Variants in NTN1 observed in about 807,000 individuals in gnomAD.
NTN1 encodes netrin-1.
A neutral mutation model predicts 54.2 loss-of-function variants in NTN1; 11 were observed. The ratio of observed to expected loss-of-function variants is 0.20; its 90% CI spans 0.13 to 0.34. The LOEUF (loss-of-function observed/expected upper bound fraction) is 0.34, where lower values mean the gene tolerates loss of function less well. NTN1 is among the 10% of genes least tolerant of loss of function. The probability of loss-of-function intolerance (pLI) is 1.00; values close to 1 mark genes in which losing one functional copy is unlikely to be tolerated. For missense variants in NTN1, 740 were observed against 893.1 expected, an observed-to-expected ratio of 0.83 and a Z score of 2.18; for synonymous variants, 371 against 382.0, an observed-to-expected ratio of 0.97 and a Z score of 0.33.
chr17:9,103,840 C>G lies in NTN1; in HGVS notation c.1019-58973C>G, dbSNP rs370575211. Among the ~76,000 whole-genome samples the G allele has an allele frequency of 2.2e-3, 339 of 152,090 alleles. 2 individuals are homozygous for G. Among genetic ancestry groups the G allele is most frequent in the African/African-American group, 7.9e-3 (326 of 41,490 alleles). ...GTGGCTCAAGCCTGTAATCCCAGCA[C>G]TTTGGGAGGTCGAGGTGGGTGGATC... On this transcript the variant is annotated intron_variant, in intron 2 of 6. Transcript: ENST00000173229.
rs1349391450 is a variant in NTN1, at chr17:9,219,780, C to T, written c.1412-1388C>T. 6.6e-6 allele frequency among the ~76,000 whole-genome samples: 1 copy of T among 152,242 alleles called. No homozygotes were observed. Among genetic ancestry groups the T allele is most frequent in the South Asian group, 2.1e-4 (1 of 4,834 alleles). ...CTCCCCTACCTTGACCTTTGTTTTC[C>T]CCTCTGCGGGATAGGACGCTGCCAC... is the stretch of plus-strand genomic sequence containing the variant. On this transcript the variant is annotated intron_variant, in intron 5 of 6. Transcript: ENST00000173229. This position sits in a 1 kb window ranked among gnomAD's most constrained non-coding sequence, Gnocchi z 4.5.
Position 9,116,724 on chromosome 17 carries a change from G to C in NTN1, c.1019-46089G>C, listed in dbSNP as rs184187131. Among the ~76,000 whole-genome samples, 179 of 152,282 alleles carry C rather than the reference G, an allele frequency of 1.2e-3. 1 individual carries two copies. The highest frequency in any genetic ancestry group is 4.0e-3 in the African/African-American group (167 of 41,546). ...TCTCAGTACAGAGCGCGTTTGTGTTGCTTGGGGACTGACTGTCCTTTCACA... is the reference window on the plus strand; with the variant it reads ...TCTCAGTACAGAGCGCGTTTGTGTTCCTTGGGGACTGACTGTCCTTTCACA... On this transcript the variant is annotated intron_variant, in intron 2 of 6. Coordinates refer to ENST00000173229, the MANE Select transcript of NTN1 (RefSeq NM_004822.3).
chr17:9,118,169 GTTT>G (rs1203657845), intron 2 of NTN1, among the ~76,000 whole-genome samples: 4 of 152,224 alleles, frequency 2.6e-5, no homozygotes, highest in Non-Finnish European at 5.9e-5. Context: ...AAGTGTGTGT[GTTT>G]TTAACAGCTT....
chr17:9,056,333 T>A (rs1052156604), intron 2 of NTN1, among the ~76,000 whole-genome samples: 3 of 152,186 alleles, frequency 2.0e-5, no homozygotes, highest in Non-Finnish European at 2.9e-5. Context: ...TTGGGATTAC[T>A]GGTGTGAGCC....
intron 5 of NTN1, among the ~76,000 whole-genome samples, chr17:9,217,949 T>G (rs1905250177): frequency 6.6e-6 from 1 of 151,734 alleles, no homozygotes. Context: ...GTTCTCCCTG[T>G]GAGCACTCTC....
intron 2 of NTN1, 127 bp downstream of exon 2, chr17:9,023,518 C>T: frequency 8.5e-7 from 1 of 1,169,890 alleles, no homozygotes; most frequent in South Asian, 2.5e-5. Flanking sequence ...CGCCGATGCC[C>T]GGGACCCGGG....
At chr17:9,207,639 T>A (rs546819721) in intron 5 of NTN1, among the ~76,000 whole-genome samples, 1 of 152,248 alleles carries the variant, frequency 6.6e-6, no homozygotes, top group South Asian at 2.1e-4. Context: ...CCTTTCCACT[T>A]CCCAGCATCC....
intron 2 of NTN1, among the ~76,000 whole-genome samples, chr17:9,037,579 A>G (rs1167895839): frequency 6.6e-6 from 1 of 152,164 alleles, no homozygotes; most frequent in East Asian, 1.9e-4. Flanking sequence ...ATATCAAATG[A>G]GGAGTATGTA....
chr17:9,224,851 C>T (rs1905481759), intron 6 of NTN1, among the ~76,000 whole-genome samples: 1 of 152,116 alleles, frequency 6.6e-6, no homozygotes, highest in Admixed American at 6.5e-5. Flanking sequence ...GGGGCTGGGG[C>T]TCTGGCACCA....
chr17:9,216,192 A>T (rs1597542877), intron 5 of NTN1, among the ~76,000 whole-genome samples: 1 of 152,230 alleles, frequency 6.6e-6, no homozygotes, highest in African/African-American at 2.4e-5. Context: ...TCCTAGCCTC[A>T]AGCGATCTTC....
At chr17:9,031,757 C>T (rs2091888913) in intron 2 of NTN1, among the ~76,000 whole-genome samples, 1 of 151,932 alleles carries the variant, frequency 6.6e-6, no homozygotes, top group South Asian at 2.1e-4. Flanking sequence ...CCAGCCTGGC[C>T]AACATGGTGA....
intron 2 of NTN1, among the ~76,000 whole-genome samples, chr17:9,114,574 GAAA>G (rs1450670280): frequency 6.6e-6 from 1 of 151,974 alleles, no homozygotes; most frequent in Non-Finnish European, 1.5e-5. Flanking sequence ...CCAACATAGT[GAAA>G]CCCTGTCTCT....
At chr17:9,217,034 T>C (rs1214852280) in intron 5 of NTN1, among the ~76,000 whole-genome samples, 1 of 149,146 alleles carries the variant, frequency 6.7e-6, no homozygotes, top group Non-Finnish European at 1.5e-5. Flanking sequence ...AGACAGGGCA[T>C]GACTCCGTCT....
At chr17:9,101,796 C>A (rs1048040892) in intron 2 of NTN1, among the ~76,000 whole-genome samples, 3 of 151,970 alleles carry the variant, frequency 2.0e-5, no homozygotes, top group African/African-American at 7.3e-5. Flanking sequence ...AGTTTGAGAG[C>A]AGCCTGAGTG....
chr17:9,102,888 T>C (rs1323799191), intron 2 of NTN1, among the ~76,000 whole-genome samples: 1 of 152,236 alleles, frequency 6.6e-6, no homozygotes, highest in African/African-American at 2.4e-5. Flanking sequence ...TACGATTCCA[T>C]TTATGTCAAG....
chr17:9,208,318 C>T (rs755650580), intron 5 of NTN1, among the ~76,000 whole-genome samples: 3 of 152,134 alleles, frequency 2.0e-5, no homozygotes, highest in African/African-American at 7.2e-5. Context: ...TGCTGGCTGA[C>T]GTCTTTTGTT....
chr17:9,187,454 A>G (rs2092436625), intron 5 of NTN1, among the ~76,000 whole-genome samples: 1 of 152,172 alleles, frequency 6.6e-6, no homozygotes, highest in Admixed American at 6.5e-5. Flanking sequence ...TCACCTGTCT[A>G]TCATCGGATG....
intron 2 of NTN1, among the ~76,000 whole-genome samples, chr17:9,098,599 A>T (rs534208771): frequency 5.9e-5 from 9 of 152,340 alleles, no homozygotes; most frequent in African/African-American, 2.2e-4. Flanking sequence ...AGCTGTTTTC[A>T]TATGATCTGG....
rs556362994 is a variant in NTN1 at position 9,088,841 on chromosome 17, C to T, written c.1018+65450C>T. On this transcript the variant is annotated intron_variant, in intron 2 of 6. Transcript: ENST00000173229. ...TCAAGAGTCTGAACGATTCCAAATA[C>T]GGAGAAACAACCTCTCTCCGGGTTC... Among the ~76,000 whole-genome samples, 293 of 152,254 alleles carry T rather than the reference C, an allele frequency of 1.9e-3. 1 individual carries two copies. The highest frequency in any genetic ancestry group is 5.0e-3 in the African/African-American group (206 of 41,542).
Sources: allele counts gnomAD v4.1 joint callset (sites outside exome capture counted in the v4.1 genomes callset), GRCh38; gene constraint gnomAD v4.1.1; non-coding constraint Gnocchi (gnomAD v3.1); transcripts MANE v1.5; gene names NCBI Gene and HGNC (gene_info 2026-07-23, HGNC 2026-07-21).